The following CNTN3 variants were observed in gnomAD, a reference collection of about 807,000 sequenced individuals.
CNTN3 encodes contactin 3.
Under a neutral mutation model 119.1 loss-of-function variants are expected in CNTN3, and 60 were observed. That is an observed-to-expected ratio of 0.50 (90% CI 0.41 to 0.62). CNTN3 has a LOEUF of 0.62. Ranked by LOEUF, CNTN3 falls within the 20% of genes least tolerant of loss-of-function variation. CNTN3 has a pLI of 0.00. For synonymous variants in CNTN3, 450 were observed against 438.7 expected, an observed-to-expected ratio of 1.03 and a Z score of -0.32; for missense variants, 1,101 against 1,242.4, an observed-to-expected ratio of 0.89 and a Z score of 1.71.
At chr3:74,580,069 G>A (rs1010160368) in intron 1 of CNTN3, among the ~76,000 whole-genome samples, 6 of 152,240 alleles carry the variant, frequency 3.9e-5, no homozygotes, top group African/African-American at 1.4e-4. Context: ...CACAACAGAT[G>A]CTACAAACAT....
chr3:74,300,027 A>G (rs1702422613), intron 16 of CNTN3, 89 bp from the exon 17 acceptor site: 1 of 757,518 alleles, frequency 1.3e-6, no homozygotes, highest in Admixed American at 3.3e-5. Context: ...TTAATATTTA[A>G]AATAATTTCA....
At position 74,429,530 on chromosome 3, in the gene CNTN3, C is replaced by CT. The variant is rs1701749595; in HGVS notation, c.359-4591dup. 2.0e-5 allele frequency among the ~76,000 whole-genome samples: 3 copies of CT among 152,034 alleles called. No individual in the cohort carries two copies. The South Asian group carries it at 6.2e-4, about 32-fold the overall frequency. ...AAATGTAAAACATAAAACTATAGAACTTTTATTTAAAAAATATTGGAAACC... is the reference window on the plus strand; with the variant it reads ...AAATGTAAAACATAAAACTATAGAACTTTTTATTTAAAAAATATTGGAAACC... On this transcript the variant is annotated intron_variant, in intron 4 of 22. Transcript: ENST00000263665.
At chr3:74,344,870 C>T (rs896303779) in intron 11 of CNTN3, among the ~76,000 whole-genome samples, 7 of 123,064 alleles carry the variant, frequency 5.7e-5, no homozygotes, top group Middle Eastern at 3.8e-3. Context: ...TATACGTATA[C>T]ACACACACAC....
chr3:74,525,541 CA>C (rs1317186101), intron 1 of CNTN3, among the ~76,000 whole-genome samples: 1 of 151,728 alleles, frequency 6.6e-6, no homozygotes, highest in Non-Finnish European at 1.5e-5. Flanking sequence ...TGAAGCAAGA[CA>C]AATACAAATC....
At chr3:74,358,593 T>TTTTATTTA (rs1328292594) in intron 11 of CNTN3, among the ~76,000 whole-genome samples, 5 of 98,666 alleles carry the variant, frequency 5.1e-5, no homozygotes, top group Non-Finnish European at 7.3e-5. Flanking sequence ...TTTTTTTTTT[T>TTTTATTTA]TTGATTTATT....
chr3:74,491,078 G>A (rs1195533078), intron 3 of CNTN3, among the ~76,000 whole-genome samples: 1 of 152,098 alleles, frequency 6.6e-6, no homozygotes, highest in Non-Finnish European at 1.5e-5. Context: ...TAATCTCTGG[G>A]CCTAAGCTGC....
chr3:74,524,414 C>G (rs1703586449), intron 1 of CNTN3, among the ~76,000 whole-genome samples: 1 of 151,666 alleles, frequency 6.6e-6, no homozygotes, highest in African/African-American at 2.4e-5. Context: ...ATAAATTGCC[C>G]ACATGAAAGG....
chr3:74,287,777 T>C (rs1460946565), intron 19 of CNTN3, among the ~76,000 whole-genome samples: 2 of 152,162 alleles, frequency 1.3e-5, no homozygotes, highest in Non-Finnish European at 2.9e-5. Flanking sequence ...CTGGGATATT[T>C]ATTACCCTGC....
At chr3:74,443,905 A>G (rs995599132) in intron 4 of CNTN3, among the ~76,000 whole-genome samples, 1 of 152,166 alleles carries the variant, frequency 6.6e-6, no homozygotes, top group African/African-American at 2.4e-5. Flanking sequence ...GCTTAAAAAA[A>G]AACAGAAATG....
intron 11 of CNTN3, among the ~76,000 whole-genome samples, chr3:74,360,829 G>A (rs1704057660): frequency 6.6e-6 from 1 of 152,000 alleles, no homozygotes; most frequent in African/African-American, 2.4e-5. Flanking sequence ...CCTCTTCTGT[G>A]ATTATCACAG....
intron 19 of CNTN3, among the ~76,000 whole-genome samples, chr3:74,291,907 G>A (rs553843780): frequency 4.6e-4 from 70 of 152,206 alleles, no homozygotes; most frequent in African/African-American, 1.7e-3. Context: ...CAATCTTGCC[G>A]TCAACCTGGG....
At chr3:74,536,997 A>AACACACACACAC (rs10663609) in intron 1 of CNTN3, among the ~76,000 whole-genome samples, 6 of 150,640 alleles carry the variant, frequency 4.0e-5, no homozygotes, top group Admixed American at 6.6e-5. Context: ...TTTCATTTAA[A>AACACACACACAC]ACACACACAC....
chr3:74,278,653 T>A (rs924670067), intron 20 of CNTN3, among the ~76,000 whole-genome samples: 1 of 152,238 alleles, frequency 6.6e-6, no homozygotes, highest in African/African-American at 2.4e-5. Context: ...ACTACAAAAA[T>A]TCTAGAAGAT....
chr3:74,520,328 A>G (rs1425537116), intron 2 of CNTN3, among the ~76,000 whole-genome samples: 1 of 151,560 alleles, frequency 6.6e-6, no homozygotes, highest in African/African-American at 2.4e-5. Context: ...TAATACCTAC[A>G]GATGTATTCA....
rs541448472 is a variant in CNTN3 at position 74,599,433 on chromosome 3, G to A, written c.-81+14958C>T. On this transcript the variant is annotated intron_variant, in intron 1 of 22. Transcript: ENST00000263665. ...TCCAACCTTTTTGGCACCAGGGACC[G>A]GTTTCATGGAAGACTATTTTTCCAT... Among the ~76,000 whole-genome samples the A allele has an allele frequency of 3.9e-5, 6 of 152,134 alleles. No homozygotes were observed. The East Asian group carries it at 5.8e-4, about 15-fold the overall frequency.
In CNTN3 at chr3:74,365,573, A is replaced by G. The variant is rs373040494; in HGVS notation, c.1076T>C (p.Val359Ala). Residue 359 changes from valine to alanine, a missense_variant, in exon 9 of 23, where the codon GTG (valine) becomes GCG (alanine). Coordinates refer to ENST00000263665, the MANE Select transcript of CNTN3 (RefSeq NM_020872.3). The stretch of plus-strand genomic sequence containing the variant: ...AGGTCCATGTTACCTTACCTCTAGC[A>G]CCAGGGCTGCTCCATTTTTCAGCCA... The part of the protein sequence containing the change: ...YRWLKNGAAL[V>A]LEERTQIENG... The G allele has an allele frequency of 2.5e-6, 4 of 1,613,260 alleles. No homozygotes were observed. Among genetic ancestry groups the G allele is most frequent in the East Asian group, 2.2e-5 (1 of 44,842 alleles).
At chr3:74,336,956 G>A (rs1187853073) in intron 11 of CNTN3, among the ~76,000 whole-genome samples, 6 of 152,086 alleles carry the variant, frequency 3.9e-5, no homozygotes, top group South Asian at 2.1e-4. Flanking sequence ...TATCAAATAA[G>A]TGTCAAATGT....
chr3:74,468,936 C>T (rs1702511776), intron 4 of CNTN3, among the ~76,000 whole-genome samples: 2 of 151,874 alleles, frequency 1.3e-5, no homozygotes, highest in Non-Finnish European at 2.9e-5. Context: ...ACAAGTACTG[C>T]TTTAAAGGGA....
intron 1 of CNTN3, among the ~76,000 whole-genome samples, chr3:74,595,245 C>T (rs562844389): frequency 0.022 from 3,389 of 151,390 alleles, 61 homozygotes; most frequent in Non-Finnish European, 0.033. Flanking sequence ...TTGTAGGTTG[C>T]CTGTTCACTC....
Sources: gnomAD v4.1 joint callset for allele counts (sites outside exome capture counted in the v4.1 genomes callset) on GRCh38, gnomAD v4.1.1 for gene constraint, MANE v1.5 for transcripts, NCBI Gene and HGNC (gene_info 2026-07-23, HGNC 2026-07-21) for gene names.